Variants in DNER observed in about 807,000 individuals in gnomAD.
DNER encodes the protein delta and Notch-like epidermal growth factor-related receptor.
DNER carries 33 observed loss-of-function variants against 78.2 expected under a neutral mutation model. The ratio of observed to expected loss-of-function variants is 0.42; its 90% CI spans 0.32 to 0.56. The LOEUF (loss-of-function observed/expected upper bound fraction) is 0.56. DNER is among the 20% of genes least tolerant of loss of function. The probability of loss-of-function intolerance (pLI) is 0.11; values close to 1 mark genes in which losing one functional copy is unlikely to be tolerated. For missense variants in DNER, 918 were observed against 975.3 expected (o/e 0.94, Z 0.78); for synonymous variants, 417 against 384.8 (o/e 1.08, Z -0.98).
At chr2:229,459,317 G>A (rs1052199260) in intron 7 of DNER, among the ~76,000 whole-genome samples, 2 of 152,004 alleles carry the variant, frequency 1.3e-5, no homozygotes, top group Non-Finnish European at 2.9e-5. Flanking sequence ...TCTCTTATAT[G>A]TCTGTTATCT....
At chr2:229,582,273 C>T (rs1056184903) in intron 4 of DNER, among the ~76,000 whole-genome samples, 31 of 152,124 alleles carry the variant, frequency 2.0e-4, no homozygotes, top group African/African-American at 6.8e-4. Flanking sequence ...ATCAGGCTTC[C>T]GCAAAGATTG....
chr2:229,461,994 A>C (rs1216090982), intron 7 of DNER, among the ~76,000 whole-genome samples: 1 of 152,172 alleles, frequency 6.6e-6, no homozygotes, highest in African/African-American at 2.4e-5. Flanking sequence ...AGATTAAAGA[A>C]TTACAATGGA....
chr2:229,569,947 G>A (rs898295904), intron 4 of DNER, among the ~76,000 whole-genome samples: 5 of 152,100 alleles, frequency 3.3e-5, no homozygotes, highest in Non-Finnish European at 7.4e-5. Flanking sequence ...AAAACAAGTC[G>A]AAACCAAACG....
intron 5 of DNER, 27 bp from the exon 6 acceptor site, chr2:229,512,963 T>C: frequency 6.2e-7 from 1 of 1,608,068 alleles, no homozygotes; most frequent in Non-Finnish European, 8.5e-7. Context: ...GCACAGTGTC[T>C]ATTACCTGGC....
chr2:229,672,743 G>A (rs1699231766), intron 1 of DNER, among the ~76,000 whole-genome samples: 1 of 152,110 alleles, frequency 6.6e-6, no homozygotes, highest in Non-Finnish European at 1.5e-5. Context: ...TCATGTCACA[G>A]CACTGTCACC....
At chr2:229,496,195 A>G (rs1448811396) in intron 6 of DNER, among the ~76,000 whole-genome samples, 1 of 152,204 alleles carries the variant, frequency 6.6e-6, no homozygotes, top group Non-Finnish European at 1.5e-5. Context: ...GATGCGGATG[A>G]CAATCCCTTT....
Position 229,714,400 on chromosome 2 carries a change from C to A in DNER, c.24G>T (p.Ala8=). The part of the protein sequence containing the change: MQPRRAQ[A]PGAQLLPALA... ...GCGCGGGCAGCAGCTGCGCACCGGG[C>A]GCCTGGGCGCGGCGGGGCTGCATGG... The change falls in exon 1 of 13, where the codon GCG becomes GCT. Residue 8 remains alanine (A), a synonymous_variant. Coordinates refer to ENST00000341772, the MANE Select transcript of DNER (RefSeq NM_139072.4). 4 of 1,174,350 alleles carry A rather than the reference C, an allele frequency of 3.4e-6. No homozygotes were observed. The highest frequency in any genetic ancestry group is 4.2e-6 in the Non-Finnish European group (4 of 954,266). 72.7% of individuals were successfully genotyped at this position (1,174,350 alleles called of 1,614,324 possible).
chr2:229,650,072 C>CAAAA (rs34030074), intron 1 of DNER, among the ~76,000 whole-genome samples: 4 of 93,162 alleles, frequency 4.3e-5, no homozygotes, highest in African/African-American at 7.5e-5. Flanking sequence ...AAGACTCCGT[C>CAAAA]AAAAAAAAAA....
At chr2:229,500,538 T>G (rs1364198973) in intron 6 of DNER, among the ~76,000 whole-genome samples, 8 of 152,174 alleles carry the variant, frequency 5.3e-5, no homozygotes, top group Admixed American at 5.2e-4. Context: ...TGGATATATA[T>G]CCAAAGGAAT....
chr2:229,672,344 C>T (rs529231098), intron 1 of DNER, among the ~76,000 whole-genome samples: 3 of 151,720 alleles, frequency 2.0e-5, no homozygotes, highest in Admixed American at 1.3e-4. Flanking sequence ...TCAGAGCAGC[C>T]GGACTTTTGA....
intron 5 of DNER, among the ~76,000 whole-genome samples, chr2:229,544,690 G>A (rs972620581): frequency 2.0e-5 from 3 of 151,698 alleles, no homozygotes; most frequent in Admixed American, 1.3e-4. Context: ...CCACCACCAC[G>A]CCTGGCTAAT....
intron 1 of DNER, among the ~76,000 whole-genome samples, chr2:229,695,934 G>C (rs1034740709): frequency 6.6e-6 from 1 of 152,100 alleles, no homozygotes; most frequent in African/African-American, 2.4e-5. Flanking sequence ...TTGTTTCTTT[G>C]TTTGTTTGTT....
chr2:229,380,991 G>A (rs559312113), intron 11 of DNER, among the ~76,000 whole-genome samples: 72 of 152,144 alleles, frequency 4.7e-4, no homozygotes, highest in African/African-American at 1.5e-3. Flanking sequence ...CAAAATGGCC[G>A]AATAGGAACA....
intron 5 of DNER, among the ~76,000 whole-genome samples, chr2:229,519,692 G>A (rs189591507): frequency 3.6e-4 from 55 of 152,216 alleles, no homozygotes; most frequent in African/African-American, 1.2e-3. Context: ...TGATGGCCTC[G>A]GGTTCAGAAG....
chr2:229,666,214 C>T (rs1210662599), intron 1 of DNER, among the ~76,000 whole-genome samples: 1 of 152,184 alleles, frequency 6.6e-6, no homozygotes, highest in Non-Finnish European at 1.5e-5. Context: ...ATGCTTAACA[C>T]CCCTCCTGCT....
At chr2:229,432,353 G>T (rs1421457183) in intron 8 of DNER, among the ~76,000 whole-genome samples, 1 of 151,890 alleles carries the variant, frequency 6.6e-6, no homozygotes, top group Non-Finnish European at 1.5e-5. Context: ...TGGGTGCTGG[G>T]GCCAGCAAAG....
rs569436327 is a variant in DNER at position 229,562,754 on chromosome 2, A to G, written c.848-15662T>C. On this transcript the variant is annotated intron_variant, in intron 4 of 12. Coordinates refer to ENST00000341772, the MANE Select transcript of DNER (RefSeq NM_139072.4). ...TGGATTCCTTCTTTCTAAAATAAAA[A>G]TAATAGCACTATCTATTTCCTGGGG... is the stretch of plus-strand genomic sequence containing the variant. 3.3e-5 allele frequency among the ~76,000 whole-genome samples: 5 copies of G among 152,244 alleles called. No homozygotes were observed. The South Asian group carries it at 1.0e-3, about 32-fold the overall frequency.
chr2:229,662,331 C>A (rs1283242195), intron 1 of DNER, among the ~76,000 whole-genome samples: 1 of 152,058 alleles, frequency 6.6e-6, no homozygotes, highest in Non-Finnish European at 1.5e-5. Context: ...TGTTGACAGA[C>A]AAAAGTAGAC....
intron 1 of DNER, among the ~76,000 whole-genome samples, chr2:229,642,753 C>T (rs1039860832): frequency 6.6e-6 from 1 of 152,236 alleles, no homozygotes; most frequent in African/African-American, 2.4e-5. Flanking sequence ...CTTCTCTCTA[C>T]ATCACACCAA....
Sources: gnomAD v4.1 joint callset for allele counts (sites outside exome capture counted in the v4.1 genomes callset) on GRCh38, gnomAD v4.1.1 for gene constraint, MANE v1.5 for transcripts, NCBI Gene and HGNC (gene_info 2026-07-23, HGNC 2026-07-21) for gene names.